Variants in CSMD1 observed in about 807,000 individuals in gnomAD.
The protein encoded by CSMD1 is CUB and Sushi multiple domains 1.
Under a neutral mutation model 417.5 loss-of-function variants are expected in CSMD1, and 213 were observed. That is an observed-to-expected ratio of 0.51 (90% CI 0.46 to 0.57). The LOEUF (loss-of-function observed/expected upper bound fraction) is 0.57. CSMD1 is among the 20% of genes least tolerant of loss of function. The probability of loss-of-function intolerance (pLI) is 0.00; values close to 1 mark genes in which losing one functional copy is unlikely to be tolerated. For synonymous variants in CSMD1, 2,862 were observed against 1,736.8 expected, an observed-to-expected ratio of 1.65 and a Z score of -16.11; for missense variants, 6,923 against 4,529.7, an observed-to-expected ratio of 1.53 and a Z score of -15.17.
At chr8:3,272,477 G>T (rs760074482) in intron 26 of CSMD1, among the ~76,000 whole-genome samples, 5 of 148,998 alleles carry the variant, frequency 3.4e-5, no homozygotes, top group African/African-American at 1.2e-4. Flanking sequence ...GAAAGTCATT[G>T]GTAACTTGAA....
chr8:4,008,211 C>G (rs1412086522), intron 4 of CSMD1, among the ~76,000 whole-genome samples: 1 of 151,964 alleles, frequency 6.6e-6, no homozygotes, highest in Non-Finnish European at 1.5e-5. Flanking sequence ...AAAATTAGTT[C>G]AAGTTCCATC....
intron 5 of CSMD1, among the ~76,000 whole-genome samples, chr8:3,969,298 G>C (rs1403681382): frequency 7.2e-5 from 11 of 152,078 alleles, no homozygotes; most frequent in Non-Finnish European, 5.9e-5. Context: ...GATGAGGCTG[G>C]GTGGAGAAAG....
At chr8:3,429,958 A>C (rs903478827) in intron 12 of CSMD1, among the ~76,000 whole-genome samples, 1 of 152,182 alleles carries the variant, frequency 6.6e-6, no homozygotes, top group Non-Finnish European at 1.5e-5. Context: ...ATATGTATTA[A>C]TCGATATCTG....
At chr8:3,540,986 C>A (rs556211737) in intron 10 of CSMD1, among the ~76,000 whole-genome samples, 2 of 152,296 alleles carry the variant, frequency 1.3e-5, no homozygotes, top group East Asian at 3.9e-4. Flanking sequence ...CCTCAAAGAT[C>A]TAGAACCAGA....
chr8:4,042,962 C>T (rs974139174), intron 3 of CSMD1, among the ~76,000 whole-genome samples: 4 of 150,686 alleles, frequency 2.7e-5, no homozygotes, highest in African/African-American at 4.9e-5. Context: ...CCCACCTCTA[C>T]TAAATATGGG....
intron 3 of CSMD1, among the ~76,000 whole-genome samples, chr8:4,128,421 G>A (rs3902136): frequency 0.41 from 61,884 of 152,028 alleles, 12,891 homozygotes; most frequent in Non-Finnish European, 0.44. Flanking sequence ...GACTCTATTG[G>A]GAAAGTTGCA....
chr8:4,781,417 C>T (rs73179609), intron 1 of CSMD1, among the ~76,000 whole-genome samples: 15,225 of 152,238 alleles, frequency 0.1, 963 homozygotes, highest in East Asian at 0.33. Context: ...AGAATGCTTA[C>T]TGTCAGATTT....
intron 3 of CSMD1, among the ~76,000 whole-genome samples, chr8:4,364,123 A>G (rs1801934513): frequency 6.6e-6 from 1 of 152,192 alleles, no homozygotes; most frequent in Non-Finnish European, 1.5e-5. Flanking sequence ...TTTATTATGC[A>G]TTGCATGCCT....
intron 1 of CSMD1, among the ~76,000 whole-genome samples, chr8:4,905,979 T>C (rs562091480): frequency 6.6e-6 from 1 of 152,272 alleles, no homozygotes; most frequent in African/African-American, 2.4e-5. Context: ...TCAAATACTT[T>C]CGGCAACACC....
chr8:4,047,135 G>A (rs983874510), intron 3 of CSMD1, among the ~76,000 whole-genome samples: 1 of 152,186 alleles, frequency 6.6e-6, no homozygotes, highest in Non-Finnish European at 1.5e-5. Context: ...GGAAGAAGCA[G>A]AGCAGCCTGC....
chr8:4,657,756 C>T (rs1208525651), intron 1 of CSMD1, among the ~76,000 whole-genome samples: 1 of 148,218 alleles, frequency 6.7e-6, no homozygotes, highest in Non-Finnish European at 1.5e-5. Context: ...AAAGCACGGA[C>T]ATTTGAATTA....
At chr8:3,464,772 C>T (rs1027161828) in intron 12 of CSMD1, among the ~76,000 whole-genome samples, 1 of 152,000 alleles carries the variant, frequency 6.6e-6, no homozygotes, top group Admixed American at 6.6e-5. Flanking sequence ...TTACATCCTG[C>T]TTCTTAGCAT....
At chr8:4,842,776 G>A (rs1198405484) in intron 1 of CSMD1, among the ~76,000 whole-genome samples, 2 of 152,332 alleles carry the variant, frequency 1.3e-5, no homozygotes, top group East Asian at 3.9e-4. Flanking sequence ...GAAATTAATA[G>A]TCACATTACA....
chr8:4,203,156 T>A (rs1180628984), intron 3 of CSMD1, among the ~76,000 whole-genome samples: 1 of 152,138 alleles, frequency 6.6e-6, no homozygotes, highest in Non-Finnish European at 1.5e-5. Flanking sequence ...CTGGCTCAGG[T>A]CAGAGGGACA....
At chr8:3,448,323 G>GGAAGGAAGGAAGAAGGGAGGGA (rs1563399741) in intron 12 of CSMD1, among the ~76,000 whole-genome samples, 10 of 8,654 alleles carry the variant, frequency 1.2e-3, no homozygotes, top group Non-Finnish European at 2.1e-3. Flanking sequence ...AAGGAAGGAA[G>GGAAGGAAGGAAGAAGGGAGGGA]GGAGCAAGGG....
intron 5 of CSMD1, among the ~76,000 whole-genome samples, chr8:3,980,524 C>T (rs1585071320): frequency 6.9e-6 from 1 of 145,394 alleles, no homozygotes; most frequent in Non-Finnish European, 1.5e-5. Flanking sequence ...TTGTTTATGC[C>T]ATTTAGATTT....
At chr8:3,879,168 G>A (rs1169156922) in intron 5 of CSMD1, among the ~76,000 whole-genome samples, 1 of 152,104 alleles carries the variant, frequency 6.6e-6, no homozygotes, top group Non-Finnish European at 1.5e-5. Context: ...CCTGGAGCAG[G>A]TGGTGGTTTA....
intron 3 of CSMD1, among the ~76,000 whole-genome samples, chr8:4,115,671 T>G (rs1014838336): frequency 6.6e-6 from 1 of 152,170 alleles, no homozygotes. Flanking sequence ...TTGCTAAAAT[T>G]TGGAAGCGAC....
intron 2 of CSMD1, among the ~76,000 whole-genome samples, chr8:4,558,863 G>A (rs556115795): frequency 1.4e-4 from 21 of 152,202 alleles, no homozygotes; most frequent in Admixed American, 2.6e-4. Context: ...GTGAGACTCC[G>A]TCTCAAAATA....
Sources: gnomAD v4.1 joint callset for allele counts (sites outside exome capture counted in the v4.1 genomes callset) on GRCh38, gnomAD v4.1.1 for gene constraint, MANE v1.5 for transcripts, NCBI Gene and HGNC (gene_info 2026-07-23, HGNC 2026-07-21) for gene names.